Variants in VWC2L observed in about 807,000 individuals in gnomAD.
The protein encoded by VWC2L is von Willebrand factor C domain containing 2 like, also known as von Willebrand factor C domain-containing protein 2-like.
VWC2L carries 10 observed loss-of-function variants against 21.6 expected under a neutral mutation model. The ratio of observed to expected loss-of-function variants is 0.46; its 90% CI spans 0.29 to 0.78. The LOEUF is 0.78. Among genes scored for constraint, VWC2L ranks in the 30% least tolerant of loss-of-function variants. The pLI is 0.10. For synonymous variants in VWC2L, 96 were observed against 94.3 expected (o/e 1.02, Z -0.10); for missense variants, 209 against 277.1 (o/e 0.75, Z 1.74).
chr2:214,424,778 C>T (rs1702497407), intron 2 of VWC2L, among the ~76,000 whole-genome samples: 1 of 152,092 alleles, frequency 6.6e-6, no homozygotes, highest in African/African-American at 2.4e-5. Context: ...CTTTTATGAG[C>T]AGTTAATGAT....
At chr2:214,530,294 G>A (rs550757450) in intron 3 of VWC2L, among the ~76,000 whole-genome samples, 2 of 152,266 alleles carry the variant, frequency 1.3e-5, no homozygotes, top group East Asian at 3.9e-4. Flanking sequence ...AAGACAACCA[G>A]CAATTACTCA....
chr2:214,490,649 G>C (rs906078143), intron 3 of VWC2L, among the ~76,000 whole-genome samples: 1 of 152,140 alleles, frequency 6.6e-6, no homozygotes, highest in Admixed American at 6.6e-5. Context: ...ACAGGCCCCA[G>C]CTGAAACCCT....
At chr2:214,448,552 G>A (rs879344624) in intron 3 of VWC2L, among the ~76,000 whole-genome samples, 4 of 152,048 alleles carry the variant, frequency 2.6e-5, no homozygotes, top group Admixed American at 6.6e-5. Context: ...AAAGACAGAC[G>A]GATTGCCAGG....
intron 3 of VWC2L, among the ~76,000 whole-genome samples, chr2:214,557,856 A>T (rs1689897923): frequency 6.6e-6 from 1 of 151,514 alleles, no homozygotes; most frequent in Non-Finnish European, 1.5e-5. Context: ...TTTACATTCA[A>T]CCTCTCTCTC....
intron 3 of VWC2L, among the ~76,000 whole-genome samples, chr2:214,502,655 C>T (rs927331043): frequency 6.6e-6 from 1 of 152,226 alleles, no homozygotes. Flanking sequence ...ACCTAGTCTT[C>T]TTTCATAATG....
intron 2 of VWC2L, among the ~76,000 whole-genome samples, chr2:214,430,866 A>G (rs1702591602): frequency 6.6e-6 from 1 of 152,052 alleles, no homozygotes; most frequent in Non-Finnish European, 1.5e-5. Flanking sequence ...TTGCTTCCTC[A>G]GTATTAAAAT....
At chr2:214,436,585 T>C (rs1702682430) in intron 2 of VWC2L, 44 bp from the exon 3 acceptor site, 2 of 1,605,544 alleles carry the variant, frequency 1.2e-6, no homozygotes, top group African/African-American at 1.3e-5. Flanking sequence ...TGTGCAAGCA[T>C]TAAGTTATAG....
chr2:214,426,767 G>A lies in VWC2L; in HGVS notation c.391-9862G>A, dbSNP rs116769979. ...ACTATGAACATTATGCAAGTAATGT[G>A]GTAGAGATAGTGTAGTTTTCATTTT... is the stretch of plus-strand genomic sequence containing the variant. On this transcript the variant is annotated intron_variant, in intron 2 of 3. Transcript: ENST00000312504. 2.5e-3 allele frequency among the ~76,000 whole-genome samples: 378 copies of A among 152,270 alleles called. 2 individuals carry two copies. The highest frequency in any genetic ancestry group is 8.7e-3 in the African/African-American group (361 of 41,556).
intron 3 of VWC2L, among the ~76,000 whole-genome samples, chr2:214,508,070 G>A (rs1231098101): frequency 2.0e-5 from 3 of 152,024 alleles, no homozygotes; most frequent in Non-Finnish European, 4.4e-5. Context: ...TCCGCCTACC[G>A]GGTTCACGCC....
At chr2:214,511,856 T>TACTCTATATATATACTTTATATATATAC (rs1689059732) in intron 3 of VWC2L, among the ~76,000 whole-genome samples, 1 of 134,036 alleles carries the variant, frequency 7.5e-6, no homozygotes, top group South Asian at 2.6e-4. Flanking sequence ...TATATATATA[T>TACTCTATATATATACTTTATATATATAC]ACTCTATATA....
At chr2:214,424,822 A>G (rs1702497867) in intron 2 of VWC2L, among the ~76,000 whole-genome samples, 1 of 152,164 alleles carries the variant, frequency 6.6e-6, no homozygotes, top group Admixed American at 6.5e-5. Context: ...ATCTTTTAAT[A>G]TTTTGTCCTT....
At chr2:214,490,795 T>C (rs754811579) in intron 3 of VWC2L, among the ~76,000 whole-genome samples, 1 of 152,278 alleles carries the variant, frequency 6.6e-6, no homozygotes, top group East Asian at 1.9e-4. Context: ...AGCTCTCAAT[T>C]GCTGCATAGA....
intron 3 of VWC2L, among the ~76,000 whole-genome samples, chr2:214,575,401 C>T (rs574736552): frequency 9.8e-4 from 149 of 152,234 alleles, no homozygotes; most frequent in African/African-American, 3.4e-3. Context: ...TAGAAAACTG[C>T]ATGTACTCAG....
chr2:214,550,424 T>G (rs1689775425), intron 3 of VWC2L, among the ~76,000 whole-genome samples: 3 of 152,250 alleles, frequency 2.0e-5, no homozygotes, highest in Admixed American at 6.5e-5. Flanking sequence ...TTATTTCTAA[T>G]GTATCCAACA....
intron 3 of VWC2L, among the ~76,000 whole-genome samples, chr2:214,552,767 T>G (rs932016894): frequency 6.6e-6 from 1 of 152,320 alleles, no homozygotes; most frequent in Admixed American, 6.5e-5. Context: ...ATATTTCTCT[T>G]GAAGACTTCT....
intron 2 of VWC2L, among the ~76,000 whole-genome samples, chr2:214,434,487 T>G (rs1702648236): frequency 6.6e-6 from 1 of 152,192 alleles, no homozygotes; most frequent in African/African-American, 2.4e-5. Flanking sequence ...GGAGCATCAG[T>G]ACACAGAATG....
intron 3 of VWC2L, among the ~76,000 whole-genome samples, chr2:214,439,325 T>C (rs1054934380): frequency 2.6e-5 from 4 of 151,990 alleles, no homozygotes; most frequent in Admixed American, 2.6e-4. Context: ...TTCCAACACA[T>C]GATTTAAGTC....
At chr2:214,528,763 A>C (rs892913930) in intron 3 of VWC2L, among the ~76,000 whole-genome samples, 9 of 152,166 alleles carry the variant, frequency 5.9e-5, no homozygotes, top group African/African-American at 2.2e-4. Flanking sequence ...CAGAGTAGAA[A>C]AAACAAAAGA....
chr2:214,571,654 C>T (rs867224589), intron 3 of VWC2L, among the ~76,000 whole-genome samples: 2 of 152,166 alleles, frequency 1.3e-5, no homozygotes, highest in Admixed American at 6.5e-5. Flanking sequence ...AAATAACAAA[C>T]CTTCAGTTCC....
Sources: allele counts gnomAD v4.1 joint callset (sites outside exome capture counted in the v4.1 genomes callset), GRCh38; gene constraint gnomAD v4.1.1; transcripts MANE v1.5; gene names NCBI Gene and HGNC (gene_info 2026-07-23, HGNC 2026-07-21).